Variants in PFKFB2 observed in about 807,000 individuals in gnomAD.
PFKFB2 encodes 6-phosphofructo-2-kinase/fructose-2,6-bisphosphatase 2.
PFKFB2 carries 53 observed loss-of-function variants against 68.0 expected under a neutral mutation model. The ratio of observed to expected loss-of-function variants is 0.78; its 90% CI spans 0.63 to 0.98. The LOEUF (loss-of-function observed/expected upper bound fraction) is 0.98, where lower values mean the gene tolerates loss of function less well. PFKFB2 is among the 50% of genes least tolerant of loss of function. The pLI is 0.00. For synonymous variants in PFKFB2, 222 were observed against 227.6 expected, an observed-to-expected ratio of 0.98 and a Z score of 0.22; for missense variants, 451 against 642.0, an observed-to-expected ratio of 0.70 and a Z score of 3.22.
intron 1 of PFKFB2, among the ~76,000 whole-genome samples, chr1:207,041,596 G>T (rs919535015): frequency 3.9e-5 from 6 of 152,192 alleles, no homozygotes; most frequent in South Asian, 2.1e-4. Flanking sequence ...AGTATTCCAT[G>T]GTGTATATGT....
At chr1:207,061,930 T>C in intron 2 of PFKFB2, 23 bp from the exon 3 acceptor site, 2 of 1,608,650 alleles carry the variant, frequency 1.2e-6, no homozygotes, top group Non-Finnish European at 1.7e-6. Flanking sequence ...CATTTCGTTT[T>C]ATTTTGTTTC....
At chr1:207,058,405 G>A (rs1251820924) in intron 2 of PFKFB2, among the ~76,000 whole-genome samples, 4 of 152,178 alleles carry the variant, frequency 2.6e-5, no homozygotes, top group African/African-American at 9.7e-5. Context: ...TACCGTGAGG[G>A]AACCTTTGTC....
rs1683549987 is a variant in PFKFB2, at chr1:207,074,053, T to A, written c.*1682T>A. On this transcript the variant is annotated 3_prime_UTR_variant, in exon 15 of 15. Transcript: ENST00000367080. ...CTTTAGGATTGTTGAATCATAAACA[T>A]GCCTGTGTCCACCTTATGCTTAATA... 1 of 911,394 alleles carries A rather than the reference T, an allele frequency of 1.1e-6. No individual in the cohort carries two copies. The highest frequency in any genetic ancestry group is 6.2e-5 in the Admixed American group (1 of 16,188). 56.5% of individuals were successfully genotyped at this position (911,394 alleles called of 1,614,324 possible).
At chr1:207,064,367 C>T (rs945270879) in intron 7 of PFKFB2, among the ~76,000 whole-genome samples, 1 of 151,474 alleles carries the variant, frequency 6.6e-6, no homozygotes, top group Non-Finnish European at 1.5e-5. Flanking sequence ...GATTGTGCCA[C>T]TGCAGTCCAG....
chr1:207,061,462 C>G (rs1469013317), intron 2 of PFKFB2, among the ~76,000 whole-genome samples: 1 of 151,998 alleles, frequency 6.6e-6, no homozygotes, highest in African/African-American at 2.4e-5. Flanking sequence ...AACCTTTTAA[C>G]TCTATTTCAG....
intron 1 of PFKFB2, among the ~76,000 whole-genome samples, chr1:207,037,421 C>T (rs1682396737): frequency 6.6e-6 from 1 of 152,180 alleles, no homozygotes; most frequent in Non-Finnish European, 1.5e-5. Context: ...GCTGAGTCTT[C>T]CTCCCTATAT....
At chr1:207,052,198 G>T (rs1291894683), upstream of PFKFB2, 1 of 1,612,616 alleles carries the variant, frequency 6.2e-7, no homozygotes, top group East Asian at 2.2e-5. Flanking sequence ...CACTGTAAAA[G>T]ACTTTGCTTC....
intron 1 of PFKFB2, among the ~76,000 whole-genome samples, chr1:207,040,922 G>GTTTTTTT (rs1682463585): frequency 8.1e-6 from 1 of 124,030 alleles, no homozygotes; most frequent in Admixed American, 8.4e-5. Flanking sequence ...ATTTAAAACA[G>GTTTTTTT]ATTTTTTTTT....
chr1:207,079,097 C>A, downstream of PFKFB2: 5 of 1,263,034 alleles, frequency 4.0e-6, no homozygotes, highest in East Asian at 2.3e-5. Flanking sequence ...TTCACAGAGG[C>A]TAGAACAGGA....
chr1:207,054,277 C>G (rs1336763707), intron 1 of PFKFB2, among the ~76,000 whole-genome samples: 1 of 152,022 alleles, frequency 6.6e-6, no homozygotes, highest in African/African-American at 2.4e-5. Context: ...TATACATAAC[C>G]CACCCCACCC....
rs771053215 is a variant in PFKFB2, at chr1:207,073,588, C to A, written c.*1217C>A. On this transcript the variant is annotated 3_prime_UTR_variant, in exon 15 of 15. Transcript: ENST00000367080. ...GGAAAAGCTTGATGATGAATTTAAT[C>A]TCTCTCATTGGAGTATTCTTTTGTT... The A allele has an allele frequency of 1.0e-6, 1 of 984,948 alleles. No individual in the cohort carries two copies. The highest frequency in any genetic ancestry group is 1.7e-5 in the African/African-American group (1 of 57,222). The allele number at this position is 984,948 out of a possible 1,614,324, so 61.0% of individuals were successfully genotyped here.
chr1:207,049,343 G>A (rs779314487), upstream of PFKFB2: 24 of 1,613,992 alleles, frequency 1.5e-5, no homozygotes, highest in Non-Finnish European at 2.0e-5. Flanking sequence ...CTTACTGTCT[G>A]TGTATCCACT....
At chr1:207,071,673 G>T (rs971629138) in intron 14 of PFKFB2, 100 bp downstream of exon 14, 2 of 827,498 alleles carry the variant, frequency 2.4e-6, no homozygotes, top group Non-Finnish European at 4.1e-6. Context: ...GTACAAAAGG[G>T]AAACAGATTC....
rs1480767310 is a variant in PFKFB2, at chr1:207,072,303, G to A, written c.1450G>A (p.Val484Ile). The part of the protein sequence containing the change: ...NTIRRPRNYS[V>I]GSRPLKPLSP... Reference sequence around the variant, plus strand: ...AATAAGGCGTCCAAGAAATTACAGTGTTGGGAGCCGGCCCCTCAAGCCCCT... The same window carrying A: ...AATAAGGCGTCCAAGAAATTACAGTATTGGGAGCCGGCCCCTCAAGCCCCT... The change falls in exon 15 of 15, where the codon GTT becomes ATT. Residue 484 changes from valine to isoleucine, a missense_variant. Val to Ile is a conservative substitution (Grantham distance 29). Transcript: ENST00000367080. The A allele has an allele frequency of 1.2e-5, 20 of 1,614,204 alleles. No individual in the cohort carries two copies. The highest frequency in any genetic ancestry group is 1.7e-5 in the Admixed American group (1 of 60,032).
chr1:207,040,189 A>G (rs1682450315), intron 1 of PFKFB2, among the ~76,000 whole-genome samples: 2 of 152,200 alleles, frequency 1.3e-5, no homozygotes, highest in Non-Finnish European at 2.9e-5. Context: ...TTTTGTACTT[A>G]ACTTCGGTAT....
rs1382857728 is a variant in PFKFB2 at position 207,077,180 on chromosome 1, C to T, written c.*4809C>T. 1 of 982,088 alleles carries T rather than the reference C, an allele frequency of 1.0e-6. No individual in the cohort carries two copies. The highest frequency in any genetic ancestry group is 1.2e-6 in the Non-Finnish European group (1 of 829,902). 60.8% of individuals were successfully genotyped at this position (982,088 alleles called of 1,614,324 possible). On this transcript the variant is annotated 3_prime_UTR_variant, in exon 15 of 15. Transcript: ENST00000367080. ...GCTTTAGGGCAGGACTTCAGTTCCACTGTTCATTTCTGAAGCTTCTGTGTC... is the reference window on the plus strand; with the variant it reads ...GCTTTAGGGCAGGACTTCAGTTCCATTGTTCATTTCTGAAGCTTCTGTGTC...
At chr1:207,064,580 T>C (rs1683224213) in intron 7 of PFKFB2, among the ~76,000 whole-genome samples, 1 of 152,214 alleles carries the variant, frequency 6.6e-6, no homozygotes, top group African/African-American at 2.4e-5. Context: ...TGTGCTCTGC[T>C]GGACCGAGTA....
chr1:207,059,484 C>G (rs1683022888), intron 2 of PFKFB2, among the ~76,000 whole-genome samples: 1 of 152,132 alleles, frequency 6.6e-6, no homozygotes, highest in African/African-American at 2.4e-5. Context: ...TGTTAGGGGC[C>G]AGTGATCAGG....
chr1:207,073,607 T>G lies in PFKFB2; in HGVS notation c.*1236T>G, dbSNP rs1160860784. On this transcript the variant is annotated 3_prime_UTR_variant, in exon 15 of 15. Transcript: ENST00000367080. ...TTTAATCTCTCTCATTGGAGTATTC[T>G]TTTGTTCATAAAGAGAAACTATCTC... 2.0e-6 allele frequency: 2 copies of G among 985,158 alleles called. No homozygotes were observed. Among genetic ancestry groups the G allele is most frequent in the Non-Finnish European group, 2.4e-6 (2 of 829,764 alleles). 61.0% of individuals were successfully genotyped at this position (985,158 alleles called of 1,614,324 possible). A position where few individuals can be genotyped will look rare whatever the true frequency, so the allele number is the denominator to read the frequency against.
Sources: gnomAD v4.1 joint callset for allele counts (sites outside exome capture counted in the v4.1 genomes callset) on GRCh38, gnomAD v4.1.1 for gene constraint, MANE v1.5 for transcripts, NCBI Gene and HGNC (gene_info 2026-07-23, HGNC 2026-07-21) for gene names.